The following LINGO2 variants were observed in gnomAD, a reference collection of about 807,000 sequenced individuals.
LINGO2 encodes the protein leucine-rich repeat and immunoglobulin-like domain-containing nogo receptor-interacting protein 2.
LINGO2 carries 14 observed loss-of-function variants against 30.6 expected under a neutral mutation model. The observed-to-expected ratio is 0.46, with a 90% confidence interval of 0.30 to 0.72. LINGO2 has a LOEUF of 0.72. Among genes scored for constraint, LINGO2 ranks in the 30% least tolerant of loss-of-function variants. The probability of loss-of-function intolerance (pLI) is 0.07; values close to 1 mark genes in which losing one functional copy is unlikely to be tolerated. For missense variants in LINGO2, 729 were observed against 751.7 expected (o/e 0.97, Z 0.35); for synonymous variants, 317 against 288.5 (o/e 1.10, Z -1.00).
the LINGO2 span, among the ~76,000 whole-genome samples, chr9:29,152,860 T>C: frequency 6.6e-6 from 1 of 152,220 alleles, no homozygotes; most frequent in African/African-American, 2.4e-5. Flanking sequence ...GTATTTTCTC[T>C]GAGTCACTAT....
In LINGO2 at chr9:28,561,782, A is replaced by ATATATATAT. The variant is rs1563826654; in HGVS notation, c.-364-85758_-364-85757insATATATATA. Among the ~76,000 whole-genome samples, 5 of 73,614 alleles carry ATATATATAT rather than the reference A, an allele frequency of 6.8e-5. 1 individual carries two copies. Among genetic ancestry groups the ATATATATAT allele is most frequent in the African/African-American group, 2.2e-4 (3 of 13,868 alleles). 48.3% of individuals were successfully genotyped at this position (73,614 alleles called of 152,430 possible). On this transcript the variant is annotated intron_variant, in intron 1 of 5. Transcript: ENST00000379992. ...ATATATATATATATATATATATATA[A>ATATATATAT]AAAATATGCTACTAGAACTGAAAAA...
chr9:28,820,262 A>T, the LINGO2 span, among the ~76,000 whole-genome samples: 1 of 149,292 alleles, frequency 6.7e-6, no homozygotes, highest in South Asian at 2.1e-4. Context: ...AAAAAAAAAT[A>T]GGCCTAGGAG....
At chr9:28,246,084 G>T (rs1821988054) in intron 4 of LINGO2, among the ~76,000 whole-genome samples, 1 of 152,080 alleles carries the variant, frequency 6.6e-6, no homozygotes, top group Non-Finnish European at 1.5e-5. Flanking sequence ...TATGGTACTG[G>T]TACCAAAACA....
chr9:28,332,588 A>G (rs1184021399), intron 3 of LINGO2, among the ~76,000 whole-genome samples: 1 of 151,882 alleles, frequency 6.6e-6, no homozygotes, highest in Non-Finnish European at 1.5e-5. Context: ...AAGTACAGAA[A>G]AAAAAAAAGG....
chr9:28,141,741 A>C (rs1349639), intron 4 of LINGO2, among the ~76,000 whole-genome samples: 151,355 of 152,162 alleles, frequency 0.99, 75,283 homozygotes, highest in Middle Eastern at 1. Context: ...ATCATGAAAC[A>C]CCGTCTCTAG....
At chr9:28,678,131 T>C in the LINGO2 span, among the ~76,000 whole-genome samples, 2 of 141,830 alleles carry the variant, frequency 1.4e-5, no homozygotes, top group Admixed American at 1.5e-4. Context: ...CTTCCTGTTG[T>C]GCTTTGAATA....
chr9:29,146,245 A>C, the LINGO2 span, among the ~76,000 whole-genome samples: 1 of 152,096 alleles, frequency 6.6e-6, no homozygotes, highest in East Asian at 1.9e-4. Flanking sequence ...AATCCCAGCT[A>C]CTCGGGAGGC....
At chr9:28,807,954 T>G in the LINGO2 span, among the ~76,000 whole-genome samples, 3 of 152,180 alleles carry the variant, frequency 2.0e-5, no homozygotes, top group Non-Finnish European at 4.4e-5. Flanking sequence ...CGCAGAGATC[T>G]AAGAATACAA....
intron 2 of LINGO2, among the ~76,000 whole-genome samples, chr9:28,400,507 A>G (rs1040175507): frequency 2.6e-5 from 4 of 152,220 alleles, no homozygotes; most frequent in African/African-American, 9.6e-5. Flanking sequence ...ATTTACCAGT[A>G]TATCACTGGT....
chr9:28,043,182 C>G (rs139596029), intron 4 of LINGO2, among the ~76,000 whole-genome samples: 1 of 152,106 alleles, frequency 6.6e-6, no homozygotes, highest in Non-Finnish European at 1.5e-5. Context: ...TTGAAGCTAG[C>G]ACTAATTTTC....
At chr9:28,887,369 T>C in the LINGO2 span, among the ~76,000 whole-genome samples, 1 of 152,054 alleles carries the variant, frequency 6.6e-6, no homozygotes, top group South Asian at 2.1e-4. Context: ...AAAAAAACTG[T>C]TGGCATTAGG....
intron 4 of LINGO2, among the ~76,000 whole-genome samples, chr9:28,034,569 G>T (rs754418057): frequency 1.3e-5 from 2 of 152,104 alleles, no homozygotes; most frequent in Non-Finnish European, 2.9e-5. Context: ...ATAGGGCTTT[G>T]CAAGTCAGCC....
At chr9:29,052,567 A>G in the LINGO2 span, among the ~76,000 whole-genome samples, 1 of 152,198 alleles carries the variant, frequency 6.6e-6, no homozygotes, top group African/African-American at 2.4e-5. Flanking sequence ...TAAGTTTTTG[A>G]AATTCAAAAT....
At chr9:29,115,722 C>T in the LINGO2 span, among the ~76,000 whole-genome samples, 5 of 151,692 alleles carry the variant, frequency 3.3e-5, no homozygotes, top group African/African-American at 1.2e-4. Flanking sequence ...TCATGATATG[C>T]AATTAAAGAA....
chr9:27,995,970 A>T (rs938897838), intron 5 of LINGO2, among the ~76,000 whole-genome samples: 1 of 151,832 alleles, frequency 6.6e-6, no homozygotes, highest in Admixed American at 6.6e-5. Flanking sequence ...TTAAAAACTT[A>T]AAAACTTCAA....
the LINGO2 span, among the ~76,000 whole-genome samples, chr9:28,796,221 A>T: frequency 6.6e-6 from 1 of 152,122 alleles, no homozygotes. Flanking sequence ...GCTTCCAACA[A>T]AATATTCATT....
At chr9:28,277,778 G>A (rs111853446) in intron 4 of LINGO2, among the ~76,000 whole-genome samples, 1,785 of 149,294 alleles carry the variant, frequency 0.012, 47 homozygotes, top group African/African-American at 0.042. Flanking sequence ...ATGGTGCCAC[G>A]CACTCCAGCC....
chr9:28,987,850 C>A, the LINGO2 span, among the ~76,000 whole-genome samples: 679 of 152,206 alleles, frequency 4.5e-3, 12 homozygotes, highest in East Asian at 0.062. Context: ...TTCTCAAATT[C>A]ATCATGCTAT....
chr9:28,848,395 GTGTATATA>G, the LINGO2 span, among the ~76,000 whole-genome samples: 1,302 of 38,672 alleles, frequency 0.034, 11 homozygotes, highest in Middle Eastern at 0.093. Flanking sequence ...GTGTGTGTGT[GTGTATATA>G]TATATATATA....
Sources: gnomAD v4.1 joint callset for allele counts (sites outside exome capture counted in the v4.1 genomes callset) on GRCh38, gnomAD v4.1.1 for gene constraint, MANE v1.5 for transcripts, NCBI Gene and HGNC (gene_info 2026-07-23, HGNC 2026-07-21) for gene names.